RRAD: variants seen among roughly 807,000 people sequenced by gnomAD.
RRAD encodes the protein GTP-binding protein RAD.
Under a neutral mutation model 24.7 loss-of-function variants are expected in RRAD, and 15 were observed. That is an observed-to-expected ratio of 0.61 (90% CI 0.41 to 0.93). RRAD has a LOEUF of 0.93. RRAD is among the 40% of genes least tolerant of loss of function. The probability of loss-of-function intolerance (pLI) is 0.00; values close to 1 mark genes in which losing one functional copy is unlikely to be tolerated. For missense variants in RRAD, 438 were observed against 452.2 expected (o/e 0.97, Z 0.29); for synonymous variants, 180 against 189.8 (o/e 0.95, Z 0.43).
In RRAD at chr16:66,922,091, G is replaced by T. The variant is rs372321748; in HGVS notation, c.912C>A (p.Asp304Glu). The T allele has an allele frequency of 1.1e-4, 176 of 1,608,380 alleles. No individual in the cohort carries two copies. Among genetic ancestry groups the T allele is most frequent in the Non-Finnish European group, 1.4e-4 (166 of 1,175,116 alleles). ...AFRAKSKSCH[D>E]LSVL ...CGGGTGGGACCTAGAGAACCGAGAGGTCGTGGCAGGACTTGGATTTGGCGC... is the reference window on the plus strand; with the variant it reads ...CGGGTGGGACCTAGAGAACCGAGAGTTCGTGGCAGGACTTGGATTTGGCGC... The change falls in exon 5 of 5, where the codon GAC becomes GAA. Residue 304 changes from aspartate to glutamate, a missense_variant. By Grantham distance (45) the Asp-to-Glu change is conservative. Transcript: ENST00000299759.
intron 4 of RRAD, 106 bp from the exon 5 acceptor site, chr16:66,922,459 G>T: frequency 8.4e-7 from 1 of 1,185,872 alleles, no homozygotes; most frequent in Non-Finnish European, 1.2e-6. Context: ...GAATTTGCAA[G>T]GTCCTCCCCG....
In RRAD at chr16:66,924,963, G is replaced by A; in HGVS notation, c.217C>T (p.Pro73Ser). ...CTGAGCGAGTCCTCGGAGTCCTCGG[G>A]CCAGTCCAGCCTGGGACCCTGGGTC... ...TGTQGPRLDW[P>S]EDSEDSLSSG... is the part of the protein sequence containing the mutation. Residue 73 changes from proline (P) to serine (S), a missense_variant, in exon 2 of 5, where the codon CCC becomes TCC. By Grantham distance (74) the Pro-to-Ser change is moderately conservative (BLOSUM62 -1). Transcript: ENST00000299759. The surrounding 1 kb of genome is among the most constrained non-coding windows in gnomAD (Gnocchi z 4.2). The A allele has an allele frequency of 6.6e-7, 1 of 1,521,292 alleles. No homozygotes were observed. The highest frequency in any genetic ancestry group is 8.8e-7 in the Non-Finnish European group (1 of 1,138,132). The allele number at this position is 1,521,292 out of a possible 1,614,324, so 94.2% of individuals were successfully genotyped here. A position where few individuals can be genotyped will look rare whatever the true frequency, so the allele number is the denominator to read the frequency against.
rs1444600804 is a variant in RRAD at position 66,923,489 on chromosome 16, TC to T, written c.649+26del. 2 of 1,569,164 alleles carry T rather than the reference TC, an allele frequency of 1.3e-6. No individual in the cohort carries two copies. The highest frequency in any genetic ancestry group is 1.7e-6 in the Non-Finnish European group (2 of 1,153,604). On this transcript the variant is annotated intron_variant, in intron 4 of 4. Coordinates refer to ENST00000299759, the MANE Select transcript of RRAD (RefSeq NM_004165.3). The surrounding 1 kb of genome is among the most constrained non-coding windows in gnomAD (Gnocchi z 4.9). ...GATCAGGGCCCAGCTGGGCTCTCCCTCCCCCTGCAACCTGCCGCCTACTCAC... is the reference window on the plus strand; with the variant it reads ...GATCAGGGCCCAGCTGGGCTCTCCCTCCCCTGCAACCTGCCGCCTACTCAC...
chr16:66,923,453 A>T lies in RRAD; in HGVS notation c.649+63T>A. On this transcript the variant is annotated intron_variant, in intron 4 of 4. Transcript: ENST00000299759. The surrounding 1 kb of genome is among the most constrained non-coding windows in gnomAD (Gnocchi z 4.9). Reference sequence around the variant, plus strand: ...GATCCCCAGGGACTCAAGCTGAGCCAAGACTGCCTGGATCAGGGCCCAGCT... The same window carrying T: ...GATCCCCAGGGACTCAAGCTGAGCCTAGACTGCCTGGATCAGGGCCCAGCT... The T allele has an allele frequency of 7.2e-7, 1 of 1,385,144 alleles. No homozygotes were observed. Among genetic ancestry groups the T allele is most frequent in the Non-Finnish European group, 1.0e-6 (1 of 1,004,112 alleles). 85.8% of individuals were successfully genotyped at this position (1,385,144 alleles called of 1,614,324 possible). A position where few individuals can be genotyped will look rare whatever the true frequency, so the allele number is the denominator to read the frequency against.
Position 66,922,262 on chromosome 16 carries a change from G to A in RRAD, c.741C>T (p.Val247=), listed in dbSNP as rs748674807. 4.3e-6 allele frequency: 7 copies of A among 1,614,026 alleles called. No homozygotes were observed. The highest frequency in any genetic ancestry group is 5.1e-6 in the Non-Finnish European group (6 of 1,179,930). ...HHNVQALFEG[V]VRQIRLRRDS... ...CCCTGCGCAGGCGTATCTGGCGCAC[G>A]ACACCTTCAAACAGCGCCTGGACAT... The change falls in exon 5 of 5, where the codon GTC becomes GTT. Residue 247 remains valine (V), a synonymous_variant. Coordinates refer to ENST00000299759, the MANE Select transcript of RRAD (RefSeq NM_004165.3).
intron 4 of RRAD, among the ~76,000 whole-genome samples, chr16:66,922,827 C>T (rs1008821807): frequency 2.6e-5 from 4 of 152,118 alleles, no homozygotes; most frequent in African/African-American, 4.8e-5. Flanking sequence ...GGACTACAGG[C>T]GCCCGCCACC....
Position 66,925,085 on chromosome 16 carries a change from G to A in RRAD, c.95C>T (p.Ala32Val), listed in dbSNP as rs1355811724. 8.0e-7 allele frequency: 1 copy of A among 1,256,738 alleles called. No individual in the cohort carries two copies. Among genetic ancestry groups the A allele is most frequent in the African/African-American group, 1.6e-5 (1 of 64,240 alleles). The allele number at this position is 1,256,738 out of a possible 1,614,324, so 77.8% of individuals were successfully genotyped here. The change falls in exon 2 of 5, where the codon GCC (alanine) becomes GTC (valine). Residue 32 changes from alanine to valine, a missense_variant. Physicochemically the swap from Ala to Val is moderately conservative, Grantham distance 64. Coordinates refer to ENST00000299759, the MANE Select transcript of RRAD (RefSeq NM_004165.3). The surrounding 1 kb of genome is among the most constrained non-coding windows in gnomAD (Gnocchi z 5.2). ...CATGCTGCGGCGGTGCAGCGGCGGGGCGGGGCCCCAGGGTGTGCTGCCCCG... is the reference window on the plus strand; with the variant it reads ...CATGCTGCGGCGGTGCAGCGGCGGGACGGGGCCCCAGGGTGTGCTGCCCCG... ...RRRGSTPWGP[A>V]PPLHRRSMPV...
chr16:66,922,857 A>AT (rs1256281484), intron 4 of RRAD, among the ~76,000 whole-genome samples: 1 of 151,794 alleles, frequency 6.6e-6, no homozygotes, highest in African/African-American at 2.4e-5. Flanking sequence ...TAATTTTTGT[A>AT]TTTTTAGTAG....
chr16:66,923,667 G>A lies in RRAD; in HGVS notation c.498C>T (p.Val166=). 1.2e-6 allele frequency: 2 copies of A among 1,614,156 alleles called. No homozygotes were observed. Among genetic ancestry groups the A allele is most frequent in the Non-Finnish European group, 1.7e-6 (2 of 1,180,046 alleles). Residue 166 remains valine (V), a synonymous_variant, in exon 4 of 5, where the codon GTC becomes GTT. Coordinates refer to ENST00000299759, the MANE Select transcript of RRAD (RefSeq NM_004165.3). This position sits in a 1 kb window ranked among gnomAD's most constrained non-coding sequence, Gnocchi z 4.9. The part of the protein sequence containing the change: ...GHCMAMGDAY[V]IVYSVTDKGS... ...CCTTGTCCGTCACTGAGTACACAATGACATAGGCATCCCCCATGGCCATGC... is the reference window on the plus strand; with the variant it reads ...CCTTGTCCGTCACTGAGTACACAATAACATAGGCATCCCCCATGGCCATGC...
In RRAD at chr16:66,923,035, C is replaced by T. The variant is rs932257437; in HGVS notation, c.649+481G>A. On this transcript the variant is annotated intron_variant, in intron 4 of 4. Coordinates refer to ENST00000299759, the MANE Select transcript of RRAD (RefSeq NM_004165.3). This position sits in a 1 kb window ranked among gnomAD's most constrained non-coding sequence, Gnocchi z 4.9. ...CGAGGTTATATCATGATGAATGATC[C>T]AGTGGACTGGGGTTGCGGAGGCAAG... Among the ~76,000 whole-genome samples the T allele has an allele frequency of 6.6e-6, 1 of 152,228 alleles. No individual in the cohort carries two copies. The highest frequency in any genetic ancestry group is 1.5e-5 in the Non-Finnish European group (1 of 68,050).
chr16:66,923,573 T>G lies in RRAD; in HGVS notation c.592A>C (p.Ile198Leu). The G allele has an allele frequency of 1.9e-6, 3 of 1,612,280 alleles. No homozygotes were observed. Among genetic ancestry groups the G allele is most frequent in the Non-Finnish European group, 2.5e-6 (3 of 1,179,882 alleles). Residue 198 changes from isoleucine (I) to leucine (L), a missense_variant, in exon 4 of 5, where the codon ATC (isoleucine) becomes CTC (leucine). Ile to Leu is a conservative substitution (Grantham distance 5). Transcript: ENST00000299759. This position sits in a 1 kb window ranked among gnomAD's most constrained non-coding sequence, Gnocchi z 4.9. ...TCGCTCTTGTTGCCCACGAGGATGA[T>G]GGGCACATCATCTGTTTGCCGTGCA... ...RRARQTDDVP[I>L]ILVGNKSDLV...
chr16:66,923,702 G>A lies in RRAD; in HGVS notation c.463C>T (p.Pro155Ser). Reference sequence around the variant, plus strand: ...TCCCCCATGGCCATGCAGTGGCCGGGCAACCAGCGGCCCCCGTCCTGGAGA... The same window carrying A: ...TCCCCCATGGCCATGCAGTGGCCGGACAACCAGCGGCCCCCGTCCTGGAGA... ...IWEQDGGRWLPGHCMAMGDAY... is the reference protein window; with the variant it reads ...IWEQDGGRWLSGHCMAMGDAY... Residue 155 changes from proline to serine, a missense_variant, in exon 4 of 5, where the codon CCC becomes TCC. Physicochemically the swap from Pro to Ser is moderately conservative, Grantham distance 74. Coordinates refer to ENST00000299759, the MANE Select transcript of RRAD (RefSeq NM_004165.3). This position sits in a 1 kb window ranked among gnomAD's most constrained non-coding sequence, Gnocchi z 4.9. 6.2e-7 allele frequency: 1 copy of A among 1,614,076 alleles called. No individual in the cohort carries two copies. The highest frequency in any genetic ancestry group is 1.1e-5 in the South Asian group (1 of 91,084).
In RRAD at chr16:66,924,747, C is replaced by G. The variant is rs1356693482; in HGVS notation, c.370+63G>C. ...CCACGGTATTTGCGGCTTTGAGTAC[C>G]GGTCTCAGCCCCTAGTCCTAGCCCC... On this transcript the variant is annotated intron_variant, in intron 2 of 4. Coordinates refer to ENST00000299759, the MANE Select transcript of RRAD (RefSeq NM_004165.3). This position sits in a 1 kb window ranked among gnomAD's most constrained non-coding sequence, Gnocchi z 4.2. 1 of 1,294,462 alleles carries G rather than the reference C, an allele frequency of 7.7e-7. No individual in the cohort carries two copies. The allele number at this position is 1,294,462 out of a possible 1,614,324, so 80.2% of individuals were successfully genotyped here. A position where few individuals can be genotyped will look rare whatever the true frequency, so the allele number is the denominator to read the frequency against.
Position 66,923,388 on chromosome 16 carries a change from T to C in RRAD, c.649+128A>G, listed in dbSNP as rs1596993777. 6 of 787,876 alleles carry C rather than the reference T, an allele frequency of 7.6e-6. No homozygotes were observed. The South Asian group carries it at 1.0e-4, about 14-fold the overall frequency. The allele number at this position is 787,876 out of a possible 1,614,324, so 48.8% of individuals were successfully genotyped here. A position where few individuals can be genotyped will look rare whatever the true frequency, so the allele number is the denominator to read the frequency against. On this transcript the variant is annotated intron_variant, in intron 4 of 4. Coordinates refer to ENST00000299759, the MANE Select transcript of RRAD (RefSeq NM_004165.3). The surrounding 1 kb of genome is among the most constrained non-coding windows in gnomAD (Gnocchi z 4.9). ...AGGCACCAGCTCTCTCCCATTTCCCTCCCCGCCAGTTTTCTTTCTGAACAT... is the reference window on the plus strand; with the variant it reads ...AGGCACCAGCTCTCTCCCATTTCCCCCCCCGCCAGTTTTCTTTCTGAACAT...
chr16:66,924,991 C>T lies in RRAD; in HGVS notation c.189G>A (p.Thr63=), dbSNP rs1461644793. The T allele has an allele frequency of 2.1e-6, 3 of 1,434,808 alleles. No individual in the cohort carries two copies. The highest frequency in any genetic ancestry group is 1.5e-5 in the African/African-American group (1 of 68,356). 88.9% of individuals were successfully genotyped at this position (1,434,808 alleles called of 1,614,324 possible). A position where few individuals can be genotyped will look rare whatever the true frequency, so the allele number is the denominator to read the frequency against. The change falls in exon 2 of 5, where the codon ACG becomes ACA. Residue 63 remains threonine, a synonymous_variant. Transcript: ENST00000299759. This position sits in a 1 kb window ranked among gnomAD's most constrained non-coding sequence, Gnocchi z 4.2. ...AGTCCAGCCTGGGACCCTGGGTCCC[C>T]GTCCCGGCCGCGGCCGCCGTCAGGG... ...PGALTAAAAG[T]GTQGPRLDWP...
chr16:66,923,802 C>A lies in RRAD; in HGVS notation c.444+44G>T. The A allele has an allele frequency of 6.2e-7, 1 of 1,609,302 alleles. No individual in the cohort carries two copies. The highest frequency in any genetic ancestry group is 8.5e-7 in the Non-Finnish European group (1 of 1,175,662). On this transcript the variant is annotated intron_variant, in intron 3 of 4. Coordinates refer to ENST00000299759, the MANE Select transcript of RRAD (RefSeq NM_004165.3). This position sits in a 1 kb window ranked among gnomAD's most constrained non-coding sequence, Gnocchi z 4.9. ...TGGCACTCCCAGACCTCTAACCCAACTCACTCCTCCCTCCCCTGCCCTGGG... is the reference window on the plus strand; with the variant it reads ...TGGCACTCCCAGACCTCTAACCCAAATCACTCCTCCCTCCCCTGCCCTGGG...
In RRAD at chr16:66,923,840, C is replaced by T; in HGVS notation, c.444+6G>A. On this transcript the variant is annotated splice_donor_region_variant and intron_variant, in intron 3 of 4. Transcript: ENST00000299759. The surrounding 1 kb of genome is among the most constrained non-coding windows in gnomAD (Gnocchi z 4.9). ...CCCCTGCCCTGGGTCTCTGCTTGCA[C>T]CCTACCTGCTCCCAAATGTCGTAGA... is the stretch of plus-strand genomic sequence containing the variant. 8 of 1,613,868 alleles carry T rather than the reference C, an allele frequency of 5.0e-6. No individual in the cohort carries two copies. Among genetic ancestry groups the T allele is most frequent in the South Asian group, 3.3e-5 (3 of 91,074 alleles).
Position 66,925,016 on chromosome 16 carries a change from G to T in RRAD, c.164C>A (p.Ala55Asp), listed in dbSNP as rs1010302141. The change falls in exon 2 of 5, where the codon GCC (alanine) becomes GAC (aspartate). Residue 55 changes from alanine to aspartate, a missense_variant. Transcript: ENST00000299759. The surrounding 1 kb of genome is among the most constrained non-coding windows in gnomAD (Gnocchi z 5.2). Reference protein sequence around the residue: ...RDLQAALTPGALTAAAAGTGT... With the variant: ...RDLQAALTPGDLTAAAAGTGT... Reference sequence around the variant, plus strand: ...CGTCCCGGCCGCGGCCGCCGTCAGGGCACCCGGGGTCAGCGCCGCCTGCAG... The same window carrying T: ...CGTCCCGGCCGCGGCCGCCGTCAGGTCACCCGGGGTCAGCGCCGCCTGCAG... 62 of 1,413,522 alleles carry T rather than the reference G, an allele frequency of 4.4e-5. No individual in the cohort carries two copies. In the Admixed American group the frequency reaches 5.7e-4, roughly 13 times the overall value. 87.6% of individuals were successfully genotyped at this position (1,413,522 alleles called of 1,614,324 possible). A position where few individuals can be genotyped will look rare whatever the true frequency, so the allele number is the denominator to read the frequency against.
In RRAD at chr16:66,924,928, G is replaced by A. The variant is rs1242563896; in HGVS notation, c.252C>T (p.Gly84=). Residue 84 remains glycine (G), a synonymous_variant, in exon 2 of 5, where the codon GGC becomes GGT. Coordinates refer to ENST00000299759, the MANE Select transcript of RRAD (RefSeq NM_004165.3). This position sits in a 1 kb window ranked among gnomAD's most constrained non-coding sequence, Gnocchi z 4.2. Reference sequence around the variant, plus strand: ...TGTAAACGCTCTCGTCTGAGTCGCTGCCCCCTGAGCTGAGCGAGTCCTCGG... The same window carrying A: ...TGTAAACGCTCTCGTCTGAGTCGCTACCCCCTGAGCTGAGCGAGTCCTCGG... The part of the protein sequence containing the change: ...EDSEDSLSSG[G]SDSDESVYKV... The A allele has an allele frequency of 5.7e-6, 9 of 1,567,562 alleles. No individual in the cohort carries two copies. Among genetic ancestry groups the A allele is most frequent in the Non-Finnish European group, 7.7e-6 (9 of 1,162,256 alleles).
Sources: gnomAD v4.1 joint callset for allele counts (sites outside exome capture counted in the v4.1 genomes callset) on GRCh38, gnomAD v4.1.1 for gene constraint, Gnocchi (gnomAD v3.1) non-coding constraint, MANE v1.5 for transcripts, NCBI Gene and HGNC (gene_info 2026-07-23, HGNC 2026-07-21) for gene names.